IL1RAPL2: variants seen among roughly 807,000 people sequenced by gnomAD.
IL1RAPL2 encodes interleukin 1 receptor accessory protein like 2.
A neutral mutation model predicts 44.1 loss-of-function variants in IL1RAPL2; 3 were observed. The observed-to-expected ratio is 0.07, with a 90% CI of 0.03 to 0.18. The LOEUF (loss-of-function observed/expected upper bound fraction) is 0.18. Among genes scored for constraint, IL1RAPL2 ranks in the 10% least tolerant of loss-of-function variants. The probability of loss-of-function intolerance (pLI) is 1.00; values close to 1 mark genes in which losing one functional copy is unlikely to be tolerated. For missense variants in IL1RAPL2, 391 were observed against 496.4 expected (o/e 0.79, Z 2.02); for synonymous variants, 181 against 178.8 (o/e 1.01, Z -0.10).
chrX:105,181,356 C>T (rs1556130745), intron 2 of IL1RAPL2, among the ~76,000 whole-genome samples: 1 of 111,464 alleles, frequency 9.0e-6, no homozygotes, highest in Admixed American at 9.5e-5. Flanking sequence ...TTTCCTTCTG[C>T]TAATTTGGGG....
intron 6 of IL1RAPL2, among the ~76,000 whole-genome samples, chrX:105,557,630 T>G (rs1012038628): frequency 9.0e-6 from 1 of 111,293 alleles, no homozygotes; most frequent in Non-Finnish European, 1.9e-5. Flanking sequence ...AAAATCTCCC[T>G]TCCTTATTCC....
chrX:105,024,258 C>T (rs2031328883), intron 2 of IL1RAPL2, among the ~76,000 whole-genome samples: 1 of 111,629 alleles, frequency 9.0e-6, no homozygotes, highest in Non-Finnish European at 1.9e-5. Flanking sequence ...AAATTGCTTT[C>T]TGCCCATCAT....
intron 2 of IL1RAPL2, among the ~76,000 whole-genome samples, chrX:104,962,861 C>T (rs2030035132): frequency 8.9e-6 from 1 of 112,129 alleles, no homozygotes; most frequent in South Asian, 3.7e-4. Context: ...GACAATGAGG[C>T]TGATGCTATA....
intron 2 of IL1RAPL2, among the ~76,000 whole-genome samples, chrX:104,810,737 G>A (rs1342500592): frequency 8.9e-6 from 1 of 111,879 alleles, no homozygotes; most frequent in East Asian, 2.8e-4. Context: ...TGAATCAGTG[G>A]CTAACATTAA....
At chrX:105,332,162 C>A (rs2034991841) in intron 5 of IL1RAPL2, among the ~76,000 whole-genome samples, 1 of 109,835 alleles carries the variant, frequency 9.1e-6, no homozygotes, top group Admixed American at 9.8e-5. Context: ...GGAATAGGTC[C>A]AAAAAAAATT....
At position 104,966,754 on chromosome X, in the gene IL1RAPL2, T is replaced by G. The variant is rs749824228; in HGVS notation, c.83-228721T>G. Reference sequence around the variant, plus strand: ...ACACATTTACAAATTTTAGACATTGTGGACCATATGATTTGCAGAATCTCT... The same window carrying G: ...ACACATTTACAAATTTTAGACATTGGGGACCATATGATTTGCAGAATCTCT... On this transcript the variant is annotated intron_variant, in intron 2 of 10. Coordinates refer to ENST00000372582, the MANE Select transcript of IL1RAPL2 (RefSeq NM_017416.2). Among the ~76,000 whole-genome samples the G allele has an allele frequency of 9.8e-4, 110 of 112,553 alleles. 1 individual carries two copies. The highest frequency in any genetic ancestry group is 1.3e-3 in the Non-Finnish European group (70 of 53,166).
At chrX:104,807,741 T>C (rs1932933200) in intron 2 of IL1RAPL2, among the ~76,000 whole-genome samples, 1 of 111,387 alleles carries the variant, frequency 9.0e-6, no homozygotes, top group African/African-American at 3.3e-5. Flanking sequence ...CCGTTTTCCC[T>C]CTCACATAAC....
intron 2 of IL1RAPL2, among the ~76,000 whole-genome samples, chrX:105,131,713 A>G (rs2033028695): frequency 9.0e-6 from 1 of 111,003 alleles, no homozygotes; most frequent in Non-Finnish European, 1.9e-5. Flanking sequence ...TAGCTATTCA[A>G]AGTTCACTGG....
At chrX:104,670,509 T>C (rs1301924793) in intron 2 of IL1RAPL2, among the ~76,000 whole-genome samples, 2 of 111,369 alleles carry the variant, frequency 1.8e-5, no homozygotes, top group African/African-American at 6.5e-5. Flanking sequence ...CAGAAACAAG[T>C]ACTTTACCAG....
At chrX:104,848,555 TC>T (rs1240702431) in intron 2 of IL1RAPL2, among the ~76,000 whole-genome samples, 1 of 106,164 alleles carries the variant, frequency 9.4e-6, no homozygotes, top group Non-Finnish European at 1.9e-5. Flanking sequence ...AAAATTACTT[TC>T]TAAATAAATA....
chrX:105,051,098 A>T, intron 2 of IL1RAPL2, among the ~76,000 whole-genome samples: 1 of 112,618 alleles, frequency 8.9e-6, no homozygotes, highest in East Asian at 2.8e-4. Context: ...CTGGGCCCTC[A>T]GCCTTCAGGC....
chrX:104,974,292 T>G (rs750627264), intron 2 of IL1RAPL2, among the ~76,000 whole-genome samples: 6 of 112,185 alleles, frequency 5.3e-5, no homozygotes, highest in South Asian at 3.7e-4. Flanking sequence ...TTTTAAAACC[T>G]ATGAACATCA....
At chrX:104,756,869 C>G (rs1245440547) in intron 2 of IL1RAPL2, among the ~76,000 whole-genome samples, 1 of 109,478 alleles carries the variant, frequency 9.1e-6, no homozygotes, top group Non-Finnish European at 1.9e-5. Context: ...GCATCAAGTG[C>G]AAAGGCCCTG....
intron 6 of IL1RAPL2, among the ~76,000 whole-genome samples, chrX:105,539,244 C>T (rs1460852838): frequency 9.0e-6 from 1 of 111,144 alleles, no homozygotes; most frequent in Admixed American, 9.6e-5. Flanking sequence ...ACAAAAAGAA[C>T]AAACCCTGAG....
At position 105,144,094 on chromosome X, in the gene IL1RAPL2, GGTGTGTGTGTGT is replaced by G. The variant is rs762069943; in HGVS notation, c.83-51344_83-51333del. On this transcript the variant is annotated intron_variant, in intron 2 of 10. Transcript: ENST00000372582. ...AGTCAGAGTCTCCTTTCAACAGATG[GGTGTGTGTGTGT>G]GTGTGTGTGTGTGTGTGTGTGTGTG... is the stretch of plus-strand genomic sequence containing the variant. 2.5e-4 allele frequency among the ~76,000 whole-genome samples: 20 copies of G among 79,564 alleles called. No homozygotes were observed. The South Asian group carries it at 7.1e-3, about 28-fold the overall frequency. 69.1% of individuals were successfully genotyped at this position (79,564 alleles called of 115,157 possible). A position where few individuals can be genotyped will look rare whatever the true frequency, so the allele number is the denominator to read the frequency against.
chrX:105,650,614 T>C (rs1316067373), intron 6 of IL1RAPL2, among the ~76,000 whole-genome samples: 4 of 112,478 alleles, frequency 3.6e-5, no homozygotes, highest in Non-Finnish European at 7.5e-5. Flanking sequence ...TGGTTATGAC[T>C]TTCTAAACCC....
At chrX:105,737,540 C>A (rs190432739) in intron 7 of IL1RAPL2, among the ~76,000 whole-genome samples, 55 of 110,958 alleles carry the variant, frequency 5.0e-4, no homozygotes, top group African/African-American at 1.7e-3. Context: ...CAAATCCTCT[C>A]TCCAGATTCT....
At chrX:105,172,550 T>G (rs2392685) in intron 2 of IL1RAPL2, among the ~76,000 whole-genome samples, 14,787 of 110,814 alleles carry the variant, frequency 0.13, 2,431 homozygotes, top group African/African-American at 0.46. Context: ...CCTAGTTGAG[T>G]TTGCTGGCAT....
intron 2 of IL1RAPL2, among the ~76,000 whole-genome samples, chrX:105,171,237 C>T (rs1388514829): frequency 9.0e-6 from 1 of 111,135 alleles, no homozygotes; most frequent in Non-Finnish European, 1.9e-5. Flanking sequence ...AGGCAGACAA[C>T]ACTTCGAGTA....
Sources: gnomAD v4.1 joint callset for allele counts (sites outside exome capture counted in the v4.1 genomes callset) on GRCh38, gnomAD v4.1.1 for gene constraint, MANE v1.5 for transcripts, NCBI Gene and HGNC (gene_info 2026-07-23, HGNC 2026-07-21) for gene names.